Variants in SLC25A13 observed in about 807,000 individuals in gnomAD.
SLC25A13 encodes solute carrier family 25 member 13, also known as electrogenic aspartate/glutamate antiporter SLC25A13, mitochondrial.
A neutral mutation model predicts 85.5 loss-of-function variants in SLC25A13; 70 were observed. The ratio of observed to expected loss-of-function variants is 0.82; its 90% confidence interval spans 0.68 to 1.00. The LOEUF (loss-of-function observed/expected upper bound fraction) is 1.00. Ranked by LOEUF, SLC25A13 falls within the 50% of genes least tolerant of loss-of-function variation. The pLI is 0.00. For synonymous variants in SLC25A13, 259 were observed against 288.7 expected (o/e 0.90, Z 1.04); for missense variants, 765 against 819.8 (o/e 0.93, Z 0.82).
chr7:96,207,102 G>A (rs561488254), intron 5 of SLC25A13, among the ~76,000 whole-genome samples: 20 of 152,222 alleles, frequency 1.3e-4, no homozygotes, highest in South Asian at 2.1e-4. Flanking sequence ...TCTGAGTTAC[G>A]TAAGTAGGTT....
chr7:96,188,873 G>A (rs1321133544), intron 9 of SLC25A13, among the ~76,000 whole-genome samples: 4 of 152,276 alleles, frequency 2.6e-5, no homozygotes, highest in African/African-American at 7.2e-5. Context: ...GGAAGGCATG[G>A]CAGTTAGACG....
chr7:96,192,877 G>T (rs1448225805), intron 6 of SLC25A13, among the ~76,000 whole-genome samples, 160 bp downstream of exon 6: 1 of 151,838 alleles, frequency 6.6e-6, no homozygotes, highest in Non-Finnish European at 1.5e-5. Context: ...ACTAAAACTA[G>T]CCAAAACACA....
intron 3 of SLC25A13, among the ~76,000 whole-genome samples, chr7:96,260,678 A>AT (rs1346899320): frequency 1.3e-5 from 2 of 152,008 alleles, no homozygotes; most frequent in African/African-American, 4.8e-5. Flanking sequence ...TCCCTATCTC[A>AT]TTTGCTTATA....
At chr7:96,151,240 T>C (rs1238196481) in intron 13 of SLC25A13, among the ~76,000 whole-genome samples, 3 of 152,166 alleles carry the variant, frequency 2.0e-5, no homozygotes, top group African/African-American at 4.8e-5. Flanking sequence ...AACATCATCA[T>C]CCTCTAGCAT....
Position 96,121,074 on chromosome 7 carries a change from A to G in SLC25A13, c.*117T>C. ...GATTTCACATGATAAAAAAGCCTGGACTTGAATTTAAACAAGAGATGGACG... is the reference window on the plus strand; with the variant it reads ...GATTTCACATGATAAAAAAGCCTGGGCTTGAATTTAAACAAGAGATGGACG... On this transcript the variant is annotated 3_prime_UTR_variant, in exon 18 of 18. Coordinates refer to ENST00000265631, the MANE Select transcript of SLC25A13 (RefSeq NM_014251.3). 1 of 1,117,432 alleles carries G rather than the reference A, an allele frequency of 8.9e-7. No homozygotes were observed. The highest frequency in any genetic ancestry group is 1.3e-5 in the South Asian group (1 of 78,196). 69.2% of individuals were successfully genotyped at this position (1,117,432 alleles called of 1,614,324 possible).
chr7:96,280,266 A>AT (rs1003244949), intron 2 of SLC25A13, among the ~76,000 whole-genome samples: 2 of 152,288 alleles, frequency 1.3e-5, no homozygotes, highest in Non-Finnish European at 2.9e-5. Flanking sequence ...TCAAATAAAT[A>AT]TTTTTTTAAA....
chr7:96,285,486 CCTCAA>C (rs1207633858), intron 2 of SLC25A13, among the ~76,000 whole-genome samples: 3 of 152,084 alleles, frequency 2.0e-5, no homozygotes, highest in African/African-American at 4.8e-5. Flanking sequence ...GTTGTTTTCT[CCTCAA>C]CTCATCTCCA....
intron 3 of SLC25A13, among the ~76,000 whole-genome samples, chr7:96,235,656 G>A (rs1796717785): frequency 6.6e-6 from 1 of 152,190 alleles, no homozygotes; most frequent in South Asian, 2.1e-4. Context: ...GCTAAGGAGT[G>A]TACAGGGAAA....
intron 16 of SLC25A13, 37 bp downstream of exon 16, chr7:96,121,802 T>C (rs1456866434): frequency 1.9e-6 from 3 of 1,614,180 alleles, no homozygotes; most frequent in Admixed American, 1.7e-5. Context: ...ATTTACCTGA[T>C]ACCAAAGAGT....
At chr7:96,186,405 G>A (rs1794646963) in intron 9 of SLC25A13, among the ~76,000 whole-genome samples, 2 of 152,156 alleles carry the variant, frequency 1.3e-5, no homozygotes, top group South Asian at 4.1e-4. Context: ...CTCCAGCCTG[G>A]GCAAGAAGAG....
At chr7:96,254,941 T>A (rs1392592693) in intron 3 of SLC25A13, among the ~76,000 whole-genome samples, 2 of 152,144 alleles carry the variant, frequency 1.3e-5, no homozygotes, top group East Asian at 1.9e-4. Context: ...GAAACATATG[T>A]TTTACATACT....
At chr7:96,215,658 T>C (rs1795869636) in intron 4 of SLC25A13, among the ~76,000 whole-genome samples, 1 of 152,050 alleles carries the variant, frequency 6.6e-6, no homozygotes, top group African/African-American at 2.4e-5. Context: ...AAGACCTAAC[T>C]ACAAGACTTA....
In SLC25A13 at chr7:96,260,115, G is replaced by A. The variant is rs552789908; in HGVS notation, c.212+17081C>T. Among the ~76,000 whole-genome samples, 179 of 152,086 alleles carry A rather than the reference G, an allele frequency of 1.2e-3. 11 individuals carry two copies. The highest frequency in any genetic ancestry group is 0.01 in the Middle Eastern group (3 of 294). ...AAATACCTAATGTAGATGCTGGGTT[G>A]ATGGGTGCAGCAAACCACCATGGCA... On this transcript the variant is annotated intron_variant, in intron 3 of 17. Transcript: ENST00000265631.
At chr7:96,291,670 A>G (rs58946495) in intron 2 of SLC25A13, among the ~76,000 whole-genome samples, 1,761 of 152,316 alleles carry the variant, frequency 0.012, 34 homozygotes, top group African/African-American at 0.04. Context: ...ATAAACTAGA[A>G]AATCTAGAAG....
chr7:96,159,497 A>T (rs929122759), intron 13 of SLC25A13, among the ~76,000 whole-genome samples: 1 of 152,216 alleles, frequency 6.6e-6, no homozygotes, highest in Non-Finnish European at 1.5e-5. Flanking sequence ...GAAGGCGGCC[A>T]TCTGCAAGAA....
chr7:96,169,993 T>C (rs373021387), intron 13 of SLC25A13, 52 bp downstream of exon 13: 2 of 1,531,702 alleles, frequency 1.3e-6, no homozygotes, highest in African/African-American at 2.7e-5. Context: ...ATGGTAGTGA[T>C]ATATATGTGA....
At chr7:96,191,517 G>T (rs777712233) in intron 6 of SLC25A13, among the ~76,000 whole-genome samples, 3 of 152,166 alleles carry the variant, frequency 2.0e-5, no homozygotes, top group Non-Finnish European at 4.4e-5. Flanking sequence ...AGGACTAGTA[G>T]TAATTTAGAG....
chr7:96,227,371 T>C (rs994800126), intron 4 of SLC25A13, among the ~76,000 whole-genome samples: 9 of 152,194 alleles, frequency 5.9e-5, no homozygotes, highest in Admixed American at 5.9e-4. Flanking sequence ...TACATATACA[T>C]ATAGATATTA....
In SLC25A13 at chr7:96,204,337, C is replaced by T. The variant is rs564682873; in HGVS notation, c.468+4501G>A. Among the ~76,000 whole-genome samples, 3 of 152,282 alleles carry T rather than the reference C, an allele frequency of 2.0e-5. 1 individual carries two copies. Among genetic ancestry groups the T allele is most frequent in the South Asian group, 4.1e-4 (2 of 4,824 alleles). On this transcript the variant is annotated intron_variant, in intron 5 of 17. Coordinates refer to ENST00000265631, the MANE Select transcript of SLC25A13 (RefSeq NM_014251.3). Reference sequence around the variant, plus strand: ...TGGTAGAAAAGTTTTAGAAACCTTTCATTCTGTGCCCCCAAGTGCCTACGA... The same window carrying T: ...TGGTAGAAAAGTTTTAGAAACCTTTTATTCTGTGCCCCCAAGTGCCTACGA...
Sources: gnomAD v4.1 joint callset for allele counts (sites outside exome capture counted in the v4.1 genomes callset) on GRCh38, gnomAD v4.1.1 for gene constraint, MANE v1.5 for transcripts, NCBI Gene and HGNC (gene_info 2026-07-23, HGNC 2026-07-21) for gene names.